The following PRKCB variants were observed in gnomAD, a reference collection of about 807,000 sequenced individuals.
PRKCB encodes protein kinase C beta type.
Under a neutral mutation model 81.5 loss-of-function variants are expected in PRKCB, and 13 were observed. That is an observed-to-expected ratio of 0.16 (90% CI 0.10 to 0.25). The LOEUF (loss-of-function observed/expected upper bound fraction) is 0.25. PRKCB is among the 10% of genes least tolerant of loss of function. The pLI is 1.00. For synonymous variants in PRKCB, 335 were observed against 321.4 expected (o/e 1.04, Z -0.45); for missense variants, 509 against 875.7 (o/e 0.58, Z 5.29).
In PRKCB at chr16:23,852,607, A is replaced by T. The variant is rs1043587309; in HGVS notation, c.205+15201A>T. Reference sequence around the variant, plus strand: ...TCTTGTGTTTTTGTTTGGCTTTGGTATGATAGTCTTGGATAATGAGTTTAG... The same window carrying T: ...TCTTGTGTTTTTGTTTGGCTTTGGTTTGATAGTCTTGGATAATGAGTTTAG... On this transcript the variant is annotated intron_variant, in intron 2 of 16. Coordinates refer to ENST00000643927, the MANE Select transcript of PRKCB (RefSeq NM_002738.7). 2.0e-5 allele frequency among the ~76,000 whole-genome samples: 3 copies of T among 152,172 alleles called. No individual in the cohort carries two copies. The South Asian group carries it at 6.2e-4, about 31-fold the overall frequency.
At chr16:23,909,218 A>G (rs887426600) in intron 2 of PRKCB, among the ~76,000 whole-genome samples, 20 of 152,192 alleles carry the variant, frequency 1.3e-4, no homozygotes, top group Non-Finnish European at 2.5e-4. Context: ...AATAGGCCAC[A>G]TTTCACGGAA....
At chr16:24,164,577 A>G (rs940164988) in intron 10 of PRKCB, among the ~76,000 whole-genome samples, 1 of 152,168 alleles carries the variant, frequency 6.6e-6, no homozygotes, top group African/African-American at 2.4e-5. Context: ...TTTTAATTGG[A>G]GTTGACGGTG....
intron 9 of PRKCB, among the ~76,000 whole-genome samples, chr16:24,154,185 T>C (rs1349709525): frequency 6.6e-6 from 1 of 152,164 alleles, no homozygotes; most frequent in East Asian, 1.9e-4. Context: ...AGTTCAGCTA[T>C]TCAAAGTGCG....
chr16:23,904,973 G>C (rs1963533981), intron 2 of PRKCB, among the ~76,000 whole-genome samples: 2 of 151,418 alleles, frequency 1.3e-5, no homozygotes, highest in South Asian at 2.1e-4. Context: ...TAGCATGCCT[G>C]GTGTTTCTGG....
intron 13 of PRKCB, 71 bp from the exon 14 acceptor site, chr16:24,185,040 A>C: frequency 7.8e-7 from 1 of 1,280,738 alleles, no homozygotes; most frequent in East Asian, 2.3e-5. Flanking sequence ...CTTGTAAAAG[A>C]AGAGTGAAAT....
At chr16:24,185,867 A>G (rs905367151) in intron 15 of PRKCB, among the ~76,000 whole-genome samples, 2 of 152,244 alleles carry the variant, frequency 1.3e-5, no homozygotes, top group Non-Finnish European at 2.9e-5. Flanking sequence ...GAAAGCACAG[A>G]GATTTTGTCA....
chr16:24,154,991 G>A, intron 10 of PRKCB, 134 bp downstream of exon 10: 1 of 1,107,054 alleles, frequency 9.0e-7, no homozygotes, highest in Non-Finnish European at 1.3e-6. Flanking sequence ...GTAAGGCCCA[G>A]GGAAGTCAGC....
intron 2 of PRKCB, among the ~76,000 whole-genome samples, chr16:23,925,439 G>C (rs974382991): frequency 2.0e-5 from 3 of 151,962 alleles, no homozygotes; most frequent in Non-Finnish European, 4.4e-5. Context: ...TCGTTAACCA[G>C]GATGCCTGTG....
At chr16:23,901,685 G>A (rs996302093) in intron 2 of PRKCB, among the ~76,000 whole-genome samples, 3 of 152,212 alleles carry the variant, frequency 2.0e-5, no homozygotes, top group East Asian at 1.9e-4. Flanking sequence ...AGGAGTTGCA[G>A]CCTGTTGTCT....
At chr16:24,066,636 T>TC (rs944659307) in intron 5 of PRKCB, among the ~76,000 whole-genome samples, 2 of 152,158 alleles carry the variant, frequency 1.3e-5, no homozygotes, top group African/African-American at 2.4e-5. Flanking sequence ...CTTTTTTTTT[T>TC]CACGATATTC....
At chr16:23,968,041 C>T (rs8048821) in intron 2 of PRKCB, among the ~76,000 whole-genome samples, 65,346 of 152,056 alleles carry the variant, frequency 0.43, 14,938 homozygotes, top group South Asian at 0.63. Flanking sequence ...CCCCAAGCCC[C>T]ACCACTCCCT....
Position 24,215,160 on chromosome 16 carries a change from C to T in PRKCB, c.*344C>T, listed in dbSNP as rs565600588. 1 of 1,053,996 alleles carries T rather than the reference C, an allele frequency of 9.5e-7. No homozygotes were observed. Among genetic ancestry groups the T allele is most frequent in the Non-Finnish European group, 1.1e-6 (1 of 870,980 alleles). 65.3% of individuals were successfully genotyped at this position (1,053,996 alleles called of 1,614,324 possible). ...CTGCACTGCCATATTCACCCCCAAC[C>T]ATCCAATCTGTGGATAATTGGATGT... On this transcript the variant is annotated 3_prime_UTR_variant, in exon 17 of 17. Coordinates refer to ENST00000643927, the MANE Select transcript of PRKCB (RefSeq NM_002738.7).
chr16:24,168,541 C>CTTCTTTT (rs1567399801), intron 10 of PRKCB, among the ~76,000 whole-genome samples: 2 of 76,330 alleles, frequency 2.6e-5, no homozygotes, highest in Non-Finnish European at 5.9e-5. Flanking sequence ...TCTTCTTCTA[C>CTTCTTTT]TTTTTTTTTT....
intron 10 of PRKCB, among the ~76,000 whole-genome samples, chr16:24,170,266 G>A (rs2141964734): frequency 6.6e-6 from 1 of 151,918 alleles, no homozygotes; most frequent in Middle Eastern, 3.4e-3. Context: ...TACTTGAATA[G>A]ATAGATGAAA....
At chr16:24,131,831 A>C (rs1176556873) in intron 9 of PRKCB, among the ~76,000 whole-genome samples, 3 of 152,166 alleles carry the variant, frequency 2.0e-5, no homozygotes, top group Non-Finnish European at 4.4e-5. Context: ...TTGGTGAAAA[A>C]CTGTCATAAA....
At chr16:23,991,628 T>C (rs895707324) in intron 3 of PRKCB, among the ~76,000 whole-genome samples, 1 of 152,228 alleles carries the variant, frequency 6.6e-6, no homozygotes, top group African/African-American at 2.4e-5. Flanking sequence ...AGAAAAGGCC[T>C]AAGGGTTGAC....
intron 3 of PRKCB, among the ~76,000 whole-genome samples, chr16:24,017,278 G>A (rs1965291864): frequency 6.6e-6 from 1 of 152,178 alleles, no homozygotes; most frequent in Non-Finnish European, 1.5e-5. Flanking sequence ...GGGAAAAGAT[G>A]CATTTCATAC....
intron 16 of PRKCB, among the ~76,000 whole-genome samples, chr16:24,201,886 A>G (rs1967962632): frequency 1.3e-5 from 2 of 152,080 alleles, no homozygotes; most frequent in Admixed American, 6.5e-5. Context: ...AATACAAAAA[A>G]TTAGCTGGGC....
At chr16:23,951,151 C>T (rs1412440945) in intron 2 of PRKCB, among the ~76,000 whole-genome samples, 3 of 152,308 alleles carry the variant, frequency 2.0e-5, no homozygotes, top group East Asian at 1.9e-4. Flanking sequence ...GTGCAAAGCA[C>T]GTGGGAGGAA....
Sources: gnomAD v4.1 joint callset for allele counts (sites outside exome capture counted in the v4.1 genomes callset) on GRCh38, gnomAD v4.1.1 for gene constraint, MANE v1.5 for transcripts, NCBI Gene and HGNC (gene_info 2026-07-23, HGNC 2026-07-21) for gene names.